AR: variants seen among roughly 807,000 people sequenced by gnomAD.
The protein encoded by AR is dihydrotestosterone receptor.
In AR, 8 loss-of-function variants were observed where a neutral mutation model predicts 53.9. The observed-to-expected ratio is 0.15, with a 90% CI of 0.09 to 0.27. The LOEUF is 0.27. Ranked by LOEUF, AR falls within the 10% of genes least tolerant of loss-of-function variation. The pLI, the probability that AR is intolerant of heterozygous loss-of-function variation, is 1.00. For synonymous variants in AR, 359 were observed against 316.4 expected (o/e 1.13, Z -1.43); for missense variants, 639 against 742.5 (o/e 0.86, Z 1.62).
In AR at chrX:67,641,581, T is replaced by C. The variant is rs891184433; in HGVS notation, c.1617-1675T>C. Among the ~76,000 whole-genome samples the C allele has an allele frequency of 6.2e-5, 7 of 112,032 alleles. No individual in the cohort carries two copies. The South Asian group carries it at 1.1e-3, about 18-fold the overall frequency. On this transcript the variant is annotated intron_variant, in intron 1 of 7. Transcript: ENST00000374690. ...GTAAGCTCCTTCCATGTGGAACTTATGGCCTTGCTAGCCTTGGTTTGTTGG... is the reference window on the plus strand; with the variant it reads ...GTAAGCTCCTTCCATGTGGAACTTACGGCCTTGCTAGCCTTGGTTTGTTGG...
At position 67,724,478 on chromosome X, in the gene AR, C is replaced by G. The variant is rs1177286330; in HGVS notation, c.*637C>G. The stretch of plus-strand genomic sequence containing the variant: ...TGGGGAGTTACTGATTTTTTCATCT[C>G]CTCCCTCCACGGGAGACTTTATTTT... On this transcript the variant is annotated 3_prime_UTR_variant, in exon 8 of 8. Transcript: ENST00000374690. The G allele has an allele frequency of 5.8e-6, 1 of 172,956 alleles. No homozygotes were observed. Among genetic ancestry groups the G allele is most frequent in the African/African-American group, 3.0e-5 (1 of 33,397 alleles). 14.3% of individuals were successfully genotyped at this position (172,956 alleles called of 1,213,427 possible).
intron 1 of AR, among the ~76,000 whole-genome samples, chrX:67,549,405 T>C (rs1929909850): frequency 8.9e-6 from 1 of 112,203 alleles, no homozygotes; most frequent in African/African-American, 3.2e-5. Context: ...CTCTGTGTTC[T>C]TATACATTTA....
chrX:67,726,286 A>G lies in AR; in HGVS notation c.*2445A>G, dbSNP rs750180501. ...TATTATTACACAATCTGGCTCATGT[A>G]CAGGATCACTTTTAGCTGTTTTAAA... On this transcript the variant is annotated 3_prime_UTR_variant, in exon 8 of 8. Coordinates refer to ENST00000374690, the MANE Select transcript of AR (RefSeq NM_000044.6). 1.2e-5 allele frequency: 2 copies of G among 173,573 alleles called. No homozygotes were observed. The highest frequency in any genetic ancestry group is 1.1e-5 in the Non-Finnish European group (1 of 91,040). 14.3% of individuals were successfully genotyped at this position (173,573 alleles called of 1,213,427 possible).
At chrX:67,715,721 T>C (rs920893942) in intron 4 of AR, among the ~76,000 whole-genome samples, 3 of 112,315 alleles carry the variant, frequency 2.7e-5, no homozygotes, top group Non-Finnish European at 5.6e-5. Flanking sequence ...CTCATGTTCC[T>C]TGTTGGTAAA....
intron 2 of AR, among the ~76,000 whole-genome samples, chrX:67,671,494 AT>A (rs1197553867): frequency 9.3e-6 from 1 of 107,327 alleles, no homozygotes; most frequent in Non-Finnish European, 1.9e-5. Flanking sequence ...GATTCTGGAT[AT>A]TAGCTCTTTG....
chrX:67,605,289 G>A (rs971780534), intron 1 of AR, among the ~76,000 whole-genome samples: 1 of 112,282 alleles, frequency 8.9e-6, no homozygotes, highest in Non-Finnish European at 1.9e-5. Context: ...TCTGGAGCTG[G>A]TTAAGTGAAG....
In AR at chrX:67,686,094, G is replaced by A. The variant is rs759988495; in HGVS notation, c.1853G>A (p.Arg618Gln). ...RRKNCPSCRL[R>Q]KCYEAGMTLG... Reference sequence around the variant, plus strand: ...AAAAATTGTCCATCTTGTCGTCTTCGGAAATGTTATGAAGCAGGGATGACT... The same window carrying A: ...AAAAATTGTCCATCTTGTCGTCTTCAGAAATGTTATGAAGCAGGGATGACT... The change falls in exon 3 of 8, where the codon CGG becomes CAG. Residue 618 changes from arginine to glutamine, a missense_variant. Around this residue, in one of 5 missense-constraint regions of AR, gnomAD observed 19 missense variants for 48.3 expected, o/e 0.39. Transcript: ENST00000374690. The A allele has an allele frequency of 9.1e-6, 11 of 1,208,907 alleles. No individual in the cohort carries two copies. Among genetic ancestry groups the A allele is most frequent in the East Asian group, 3.0e-5 (1 of 33,638 alleles).
chrX:67,667,691 G>A (rs1418377639), intron 2 of AR, among the ~76,000 whole-genome samples: 1 of 111,368 alleles, frequency 9.0e-6, no homozygotes, highest in African/African-American at 3.3e-5. Context: ...TGAAATCCAC[G>A]AACATGGAAT....
intron 1 of AR, among the ~76,000 whole-genome samples, chrX:67,560,399 C>G (rs1602155382): frequency 1.8e-5 from 2 of 111,757 alleles, no homozygotes; most frequent in Admixed American, 1.9e-4. Flanking sequence ...TTTGTGCCAC[C>G]AGATCTTTCC....
chrX:67,575,350 G>A (rs1922001746), intron 1 of AR, among the ~76,000 whole-genome samples: 1 of 111,712 alleles, frequency 9.0e-6, no homozygotes, highest in Non-Finnish European at 1.9e-5. Flanking sequence ...AGAGGTCAGA[G>A]AGTTTTTCTT....
intron 1 of AR, among the ~76,000 whole-genome samples, chrX:67,572,636 A>G (rs1210471600): frequency 9.0e-6 from 1 of 111,221 alleles, no homozygotes; most frequent in Admixed American, 9.6e-5. Flanking sequence ...GTTTATAGTG[A>G]TTTTCTATGA....
rs200390780 is a variant in AR at position 67,546,570 on chromosome X, C to T, written c.1424C>T (p.Ala475Val). The change falls in exon 1 of 8, where the codon GCG becomes GTG. Residue 475 changes from alanine (A) to valine (V), a missense_variant. Physicochemically the swap from Ala to Val is moderately conservative, Grantham distance 64. Transcript: ENST00000374690. ...GGGGGGGGGE[A>V]GAVAPYGYTR... ...GGCGGCGGCGGCGGCGGCGGCGAGG[C>T]GGGAGCTGTAGCCCCCTACGGCTAC... is the stretch of plus-strand genomic sequence containing the variant. The T allele has an allele frequency of 2.1e-3, 2,167 of 1,012,309 alleles. 4 individuals are homozygous for T. The highest frequency in any genetic ancestry group is 7.8e-3 in the Middle Eastern group (25 of 3,199). 83.4% of individuals were successfully genotyped at this position (1,012,309 alleles called of 1,213,427 possible). A position where few individuals can be genotyped will look rare whatever the true frequency, so the allele number is the denominator to read the frequency against.
At chrX:67,621,955 T>G (rs1298153044) in intron 1 of AR, among the ~76,000 whole-genome samples, 1 of 111,691 alleles carries the variant, frequency 9.0e-6, no homozygotes, top group Middle Eastern at 4.2e-3. Context: ...ATTCAGACCC[T>G]GGCTCTGTTA....
intron 1 of AR, among the ~76,000 whole-genome samples, chrX:67,593,248 C>CT (rs1028048054): frequency 8.9e-6 from 1 of 111,807 alleles, no homozygotes; most frequent in Non-Finnish European, 1.9e-5. Context: ...AGACCCTTAT[C>CT]TTTACCTCCT....
intron 1 of AR, among the ~76,000 whole-genome samples, chrX:67,631,182 G>T (rs1440571359): frequency 9.0e-6 from 1 of 111,003 alleles, no homozygotes; most frequent in Non-Finnish European, 1.9e-5. Flanking sequence ...TCTGAATGTT[G>T]GCCTGCCTTG....
intron 1 of AR, among the ~76,000 whole-genome samples, chrX:67,594,242 C>T (rs1053871923): frequency 8.9e-6 from 1 of 111,915 alleles, no homozygotes; most frequent in African/African-American, 3.2e-5. Context: ...AATCCTTCCA[C>T]CTCAGCCTCC....
intron 3 of AR, among the ~76,000 whole-genome samples, chrX:67,704,586 T>A (rs1284160504): frequency 8.9e-6 from 1 of 111,823 alleles, no homozygotes; most frequent in Non-Finnish European, 1.9e-5. Flanking sequence ...TTTTCTCCCA[T>A]TCTGTAGGTT....
At chrX:67,624,885 T>A (rs1924545748) in intron 1 of AR, among the ~76,000 whole-genome samples, 1 of 68,105 alleles carries the variant, frequency 1.5e-5, no homozygotes. Flanking sequence ...TATTGTAGAT[T>A]CAAGTCAAGG....
At chrX:67,688,247 A>G (rs1225040351) in intron 3 of AR, among the ~76,000 whole-genome samples, 1 of 111,442 alleles carries the variant, frequency 9.0e-6, no homozygotes, top group Non-Finnish European at 1.9e-5. Flanking sequence ...AGGATTCTTG[A>G]TGTTGTGTAA....
Sources: gnomAD v4.1 joint callset for allele counts (sites outside exome capture counted in the v4.1 genomes callset) on GRCh38, gnomAD v4.1.1 for gene constraint, gnomAD v4.1.1 regional missense constraint, MANE v1.5 for transcripts, NCBI Gene and HGNC (gene_info 2026-07-23, HGNC 2026-07-21) for gene names.